MYBPC1: variants seen among roughly 807,000 people sequenced by gnomAD.
The protein encoded by MYBPC1 is myosin-binding protein C, slow-type.
Under a neutral mutation model 147.1 loss-of-function variants are expected in MYBPC1, and 52 were observed. The ratio of observed to expected loss-of-function variants is 0.35; its 90% CI spans 0.28 to 0.45. The LOEUF is 0.45. MYBPC1 is among the 20% of genes least tolerant of loss of function. The pLI, the probability that MYBPC1 is intolerant of heterozygous loss-of-function variation, is 1.00. For synonymous variants in MYBPC1, 477 were observed against 475.9 expected (o/e 1.00, Z -0.03); for missense variants, 1,228 against 1,440.3 (o/e 0.85, Z 2.39).
At chr12:101,600,317 G>A (rs61937488) in intron 1 of MYBPC1, 1 of 149,752 alleles carries the variant, frequency 6.7e-6, no homozygotes, top group African/African-American at 2.5e-5. Context: ...TTTTTTTTAG[G>A]CTCTGTATAC....
chr12:101,600,013 C>T (rs1371144691), intron 1 of MYBPC1, among the ~76,000 whole-genome samples: 2 of 152,136 alleles, frequency 1.3e-5, no homozygotes, highest in Non-Finnish European at 2.9e-5. Flanking sequence ...AAAGGACTGG[C>T]CAATTCTTTC....
intron 5 of MYBPC1, among the ~76,000 whole-genome samples, chr12:101,628,737 G>A (rs1344291686): frequency 6.6e-6 from 1 of 152,190 alleles, no homozygotes; most frequent in Non-Finnish European, 1.5e-5. Flanking sequence ...AGATGCAAAA[G>A]AAACTCTATT....
intron 25 of MYBPC1, 105 bp downstream of exon 25, chr12:101,673,727 T>C (rs1899222837): frequency 7.3e-6 from 9 of 1,241,308 alleles, no homozygotes; most frequent in Non-Finnish European, 1.1e-5. Context: ...TGGCTCTACA[T>C]AAAACTCTTT....
intron 1 of MYBPC1, among the ~76,000 whole-genome samples, chr12:101,596,779 A>G (rs547831705): frequency 1.3e-5 from 2 of 151,762 alleles, no homozygotes; most frequent in East Asian, 2.0e-4. Flanking sequence ...CCCCCCCAAT[A>G]TATATTTTTT....
chr12:101,616,090 C>T (rs1885985065), intron 2 of MYBPC1, among the ~76,000 whole-genome samples: 2 of 152,158 alleles, frequency 1.3e-5, no homozygotes, highest in South Asian at 4.1e-4. Flanking sequence ...GATTCACACA[C>T]TCAAACCCTA....
chr12:101,658,130 CAA>C (rs34952207), intron 18 of MYBPC1, among the ~76,000 whole-genome samples: 3,334 of 90,478 alleles, frequency 0.037, 150 homozygotes, highest in East Asian at 0.3. Flanking sequence ...GACTCCGTCT[CAA>C]AAAAAAAAAA....
chr12:101,631,025 T>C (rs1341557453), intron 6 of MYBPC1, among the ~76,000 whole-genome samples: 1 of 152,180 alleles, frequency 6.6e-6, no homozygotes, highest in African/African-American at 2.4e-5. Context: ...GAAGCTGGAC[T>C]ACAATGTCAC....
intron 28 of MYBPC1, among the ~76,000 whole-genome samples, chr12:101,678,880 G>A (rs1231014430): frequency 3.9e-5 from 6 of 152,134 alleles, no homozygotes; most frequent in East Asian, 3.8e-4. Context: ...TAGGGAAGTC[G>A]TCCGGGCGCA....
At chr12:101,636,952 C>T (rs897836826) in intron 10 of MYBPC1, 20 of 383,500 alleles carry the variant, frequency 5.2e-5, no homozygotes, top group Non-Finnish European at 3.2e-5. Flanking sequence ...TTAAATGTTT[C>T]ATGACTCTTC....
At chr12:101,619,005 G>C (rs1487845873) in intron 3 of MYBPC1, among the ~76,000 whole-genome samples, 2 of 151,720 alleles carry the variant, frequency 1.3e-5, no homozygotes, top group Non-Finnish European at 2.9e-5. Context: ...AAATAAAGAA[G>C]GTAAGTGAAT....
chr12:101,669,048 C>T (rs1362481165), intron 23 of MYBPC1, among the ~76,000 whole-genome samples: 1 of 152,130 alleles, frequency 6.6e-6, no homozygotes, highest in Non-Finnish European at 1.5e-5. Flanking sequence ...GATCACGCCA[C>T]TGCACTTCAG....
intron 3 of MYBPC1, among the ~76,000 whole-genome samples, chr12:101,620,585 C>CT (rs1477451687): frequency 1.3e-5 from 2 of 151,380 alleles, no homozygotes; most frequent in Non-Finnish European, 2.9e-5. Flanking sequence ...TGGGATCATA[C>CT]TTTTTTTTTG....
intron 8 of MYBPC1, 122 bp from the exon 9 acceptor site, chr12:101,634,431 GA>G: frequency 1.2e-6 from 1 of 802,324 alleles, no homozygotes; most frequent in East Asian, 2.7e-5. Context: ...CCATTCAGGA[GA>G]AAAGCCTCCC....
intron 27 of MYBPC1, 26 bp downstream of exon 27, chr12:101,677,420 G>A (rs1226951394): frequency 6.2e-7 from 1 of 1,613,380 alleles, no homozygotes; most frequent in Non-Finnish European, 8.5e-7. Context: ...ACTGACATTT[G>A]AAAACCTTGG....
intron 22 of MYBPC1, among the ~76,000 whole-genome samples, chr12:101,665,677 G>A (rs1230890736): frequency 6.6e-6 from 1 of 152,146 alleles, no homozygotes; most frequent in African/African-American, 2.4e-5. Context: ...AATGTGAAGA[G>A]ATGGGCTATT....
the MYBPC1 span, among the ~76,000 whole-genome samples, chr12:101,693,422 C>A: frequency 8.9e-4 from 135 of 152,182 alleles, no homozygotes; most frequent in African/African-American, 3.1e-3. Context: ...CCCACAATAC[C>A]CACTCTCTCA....
rs1565983095 is a variant in MYBPC1 at position 101,663,535 on chromosome 12, T to C, written c.2331T>C (p.Tyr777=). The C allele has an allele frequency of 1.9e-6, 3 of 1,613,972 alleles. No individual in the cohort carries two copies. The highest frequency in any genetic ancestry group is 2.2e-5 in the East Asian group (1 of 44,892). ...DHIGAAGLDG[Y]VLEYCFEGTE... Reference sequence around the variant, plus strand: ...TTGGTGCAGCAGGTTTAGATGGCTATGTGCTAGAGTATTGCTTTGAAGGAA... The same window carrying C: ...TTGGTGCAGCAGGTTTAGATGGCTACGTGCTAGAGTATTGCTTTGAAGGAA... The change falls in exon 22 of 32, where the codon TAT becomes TAC. Residue 777 remains tyrosine, a synonymous_variant. Coordinates refer to ENST00000361466, the MANE Select transcript of MYBPC1 (RefSeq NM_002465.4).
downstream of MYBPC1, among the ~76,000 whole-genome samples, chr12:101,690,130 G>A (rs1487638468): frequency 9.2e-5 from 14 of 152,052 alleles, no homozygotes; most frequent in African/African-American, 2.9e-4. Context: ...AGCCAAGATC[G>A]TGCCATTGCA....
chr12:101,604,690 C>T (rs546131316), intron 1 of MYBPC1, among the ~76,000 whole-genome samples: 4 of 152,106 alleles, frequency 2.6e-5, no homozygotes, highest in Admixed American at 6.5e-5. Context: ...ATTATTTGCT[C>T]TTTTGAAAAA....
Sources: gnomAD v4.1 joint callset for allele counts (sites outside exome capture counted in the v4.1 genomes callset) on GRCh38, gnomAD v4.1.1 for gene constraint, MANE v1.5 for transcripts, NCBI Gene and HGNC (gene_info 2026-07-23, HGNC 2026-07-21) for gene names.